The following ATF6 variants were observed in gnomAD, a reference collection of about 807,000 sequenced individuals.
ATF6 encodes activating transcription factor 6, also known as cyclic AMP-dependent transcription factor ATF-6 alpha.
In ATF6, 53 loss-of-function variants were observed where a neutral mutation model predicts 83.6. The observed-to-expected ratio is 0.63, with a 90% CI of 0.51 to 0.80. The LOEUF is 0.80. Ranked by LOEUF, ATF6 falls within the 30% of genes least tolerant of loss-of-function variation. The pLI, the probability that ATF6 is intolerant of heterozygous loss-of-function variation, is 0.00. For synonymous variants in ATF6, 288 were observed against 285.8 expected (o/e 1.01, Z -0.08); for missense variants, 744 against 797.9 (o/e 0.93, Z 0.81).
intron 4 of ATF6, among the ~76,000 whole-genome samples, chr1:161,787,886 T>C (rs2101735983): frequency 6.6e-6 from 1 of 152,362 alleles, no homozygotes; most frequent in Non-Finnish European, 1.5e-5. Flanking sequence ...TAGATATCTT[T>C]ATATTATTTA....
chr1:161,947,367 G>A (rs974084601), intron 15 of ATF6, among the ~76,000 whole-genome samples: 2 of 152,190 alleles, frequency 1.3e-5, no homozygotes, highest in Non-Finnish European at 2.9e-5. Flanking sequence ...ATTAGATGTC[G>A]AGGGTAATCA....
chr1:161,892,857 C>T (rs1053148349), intron 14 of ATF6, among the ~76,000 whole-genome samples: 6 of 152,016 alleles, frequency 3.9e-5, no homozygotes, highest in Admixed American at 1.3e-4. Flanking sequence ...AGGCTGGTCT[C>T]GAACTCCTGA....
chr1:161,801,961 A>G (rs1685159875), intron 6 of ATF6, 91 bp from the exon 7 acceptor site: 2 of 1,159,618 alleles, frequency 1.7e-6, no homozygotes, highest in Non-Finnish European at 2.5e-6. Context: ...GATCTTACCC[A>G]TTACGTCTGC....
intron 15 of ATF6, among the ~76,000 whole-genome samples, chr1:161,940,379 T>G (rs1409906861): frequency 6.6e-6 from 1 of 152,038 alleles, no homozygotes; most frequent in Non-Finnish European, 1.5e-5. Flanking sequence ...GTGAACCAAC[T>G]CTTTCTATCT....
intron 15 of ATF6, among the ~76,000 whole-genome samples, chr1:161,951,489 T>C (rs1030822175): frequency 5.9e-5 from 9 of 152,226 alleles, no homozygotes; most frequent in African/African-American, 1.4e-4. Context: ...ATTTTCATCA[T>C]CTGCTGGGTG....
intron 15 of ATF6, among the ~76,000 whole-genome samples, chr1:161,927,435 C>T (rs1004305584): frequency 3.3e-5 from 5 of 152,144 alleles, no homozygotes; most frequent in Non-Finnish European, 5.9e-5. Flanking sequence ...TCTTAAAGTG[C>T]TGGGATTACA....
intron 9 of ATF6, among the ~76,000 whole-genome samples, chr1:161,821,973 A>G (rs1224658173): frequency 6.6e-6 from 1 of 152,234 alleles, no homozygotes; most frequent in Non-Finnish European, 1.5e-5. Flanking sequence ...AATGTGGGAC[A>G]TGAGGAAGAA....
chr1:161,825,975 C>T (rs1356585256), intron 9 of ATF6, among the ~76,000 whole-genome samples: 1 of 152,148 alleles, frequency 6.6e-6, no homozygotes, highest in Non-Finnish European at 1.5e-5. Flanking sequence ...ACAAAAGATG[C>T]TCTTCTTACC....
At chr1:161,876,950 GTAGA>G (rs1469973290) in intron 14 of ATF6, among the ~76,000 whole-genome samples, 2 of 151,880 alleles carry the variant, frequency 1.3e-5, no homozygotes, top group African/African-American at 4.8e-5. Flanking sequence ...TTAAGAAGCT[GTAGA>G]TAGATTTAGA....
At chr1:161,933,627 C>T (rs940814401) in intron 15 of ATF6, among the ~76,000 whole-genome samples, 2 of 152,180 alleles carry the variant, frequency 1.3e-5, no homozygotes, top group African/African-American at 4.8e-5. Flanking sequence ...AATAGGTGAT[C>T]CTGAATGGAC....
chr1:161,963,304 G>C lies in ATF6; in HGVS notation c.*4650G>C, dbSNP rs1689140166. ...TGTTATTAGATGCAATAGAATTTAT[G>C]AAAAGAAGAATGACAAAGGTATCTG... On this transcript the variant is annotated 3_prime_UTR_variant, in exon 16 of 16. Transcript: ENST00000367942. 6.6e-6 allele frequency: 1 copy of C among 152,184 alleles called. No individual in the cohort carries two copies. The highest frequency in any genetic ancestry group is 1.5e-5 in the Non-Finnish European group (1 of 68,024). 9.4% of individuals were successfully genotyped at this position (152,184 alleles called of 1,614,324 possible). A position where few individuals can be genotyped will look rare whatever the true frequency, so the allele number is the denominator to read the frequency against.
At chr1:161,806,232 A>G (rs1177992565) in intron 7 of ATF6, among the ~76,000 whole-genome samples, 1 of 152,212 alleles carries the variant, frequency 6.6e-6, no homozygotes, top group Non-Finnish European at 1.5e-5. Flanking sequence ...CAGCATGCTT[A>G]TCTTTCTTTA....
In ATF6 at chr1:161,802,248, T is replaced by G; in HGVS notation, c.885T>G (p.Ser295Arg). The change falls in exon 7 of 16, where the codon AGT (serine) becomes AGG (arginine). Residue 295 changes from serine (S) to arginine (R), a missense_variant. Physicochemically the swap from Ser to Arg is moderately radical, Grantham distance 110 (BLOSUM62 -1). Coordinates refer to ENST00000367942, the MANE Select transcript of ATF6 (RefSeq NM_007348.4). ...KLSVTKPVLQ[S>R]TMRNVGSDIA... ...CCGTGACTAAACCTGTCCTACAAAG[T>G]ACCATGAGAAATGTCGGTTCAGATG... The G allele has an allele frequency of 6.2e-7, 1 of 1,613,964 alleles. No individual in the cohort carries two copies. Among genetic ancestry groups the G allele is most frequent in the Non-Finnish European group, 8.5e-7 (1 of 1,179,912 alleles).
chr1:161,807,609 C>G (rs1253647533), intron 7 of ATF6, among the ~76,000 whole-genome samples: 1 of 152,142 alleles, frequency 6.6e-6, no homozygotes, highest in Non-Finnish European at 1.5e-5. Flanking sequence ...ACCAGGGACT[C>G]TGCAAATAAA....
chr1:161,807,062 A>G (rs1168017811), intron 7 of ATF6, among the ~76,000 whole-genome samples: 1 of 152,106 alleles, frequency 6.6e-6, no homozygotes, highest in African/African-American at 2.4e-5. Flanking sequence ...GGGAGATTTT[A>G]TCTCATCCTT....
At chr1:161,954,649 G>C (rs1054609650) in intron 15 of ATF6, among the ~76,000 whole-genome samples, 2 of 152,194 alleles carry the variant, frequency 1.3e-5, no homozygotes, top group Non-Finnish European at 2.9e-5. Context: ...TTAACAGGCT[G>C]TTCAAAATTC....
At chr1:161,872,070 A>T (rs948919291) in intron 14 of ATF6, among the ~76,000 whole-genome samples, 4 of 151,708 alleles carry the variant, frequency 2.6e-5, no homozygotes, top group Non-Finnish European at 3.0e-5. Context: ...TAACACTTAT[A>T]CAGAACACAA....
rs887984977 is a variant in ATF6, at chr1:161,960,738, G to A, written c.*2084G>A. On this transcript the variant is annotated 3_prime_UTR_variant, in exon 16 of 16. Transcript: ENST00000367942. ...TCAGACAAGAACCATTTTCTCTGGGGACCATTCTTCTGCTGGGTGCCAAGG... is the reference window on the plus strand; with the variant it reads ...TCAGACAAGAACCATTTTCTCTGGGAACCATTCTTCTGCTGGGTGCCAAGG... 6.6e-6 allele frequency: 1 copy of A among 152,218 alleles called. No homozygotes were observed. The highest frequency in any genetic ancestry group is 1.5e-5 in the Non-Finnish European group (1 of 68,070). 9.4% of individuals were successfully genotyped at this position (152,218 alleles called of 1,614,324 possible).
chr1:161,905,649 C>CT (rs1399878051), intron 14 of ATF6, among the ~76,000 whole-genome samples: 1 of 151,938 alleles, frequency 6.6e-6, no homozygotes, highest in Admixed American at 6.6e-5. Flanking sequence ...CTTAAGAAGA[C>CT]TTTTTTTTGG....
Sources: allele counts gnomAD v4.1 joint callset (sites outside exome capture counted in the v4.1 genomes callset), GRCh38; gene constraint gnomAD v4.1.1; transcripts MANE v1.5; gene names NCBI Gene and HGNC (gene_info 2026-07-23, HGNC 2026-07-21).